Variants in MR1 observed in about 807,000 individuals in gnomAD.
The protein encoded by MR1 is major histocompatibility complex class I-related protein 1.
Under a neutral mutation model 37.8 loss-of-function variants are expected in MR1, and 44 were observed. The observed-to-expected ratio is 1.16, with a 90% confidence interval of 0.91 to 1.50. The LOEUF is 1.50. MR1 is among the 40% of genes most tolerant of loss of function. The probability of loss-of-function intolerance (pLI) is 0.00; values close to 1 mark genes in which losing one functional copy is unlikely to be tolerated. For synonymous variants in MR1, 153 were observed against 155.8 expected (o/e 0.98, Z 0.13); for missense variants, 386 against 419.1 (o/e 0.92, Z 0.69).
In MR1 at chr1:181,034,075, G is replaced by C. The variant is rs780099733; in HGVS notation, c.67+1G>C. 2 of 1,612,316 alleles carry C rather than the reference G, an allele frequency of 1.2e-6. No individual in the cohort carries two copies. The highest frequency in any genetic ancestry group is 2.7e-5 in the African/African-American group (2 of 74,798). ...TTAATGGTGAAGCACAGCGATTCCC[G>C]TGAGTATCCCACGTCCTCTTCTCTC... On this transcript the variant is annotated splice_donor_variant, in intron 1 of 5. Coordinates refer to ENST00000367580, the MANE Select transcript of MR1 (RefSeq NM_001385161.1). LOFTEE classifies it high-confidence loss of function.
chr1:181,049,087 T>C lies in MR1; in HGVS notation c.103T>C (p.Ser35Pro). Residue 35 changes from serine (S) to proline (P), a missense_variant, in exon 2 of 6, where the codon TCG becomes CCG. Transcript: ENST00000367580. ...HSLRYFRLGV[S>P]DPIHGVPEFI... ...TCTGAGATATTTTCGCCTGGGCGTT[T>C]CGGATCCCATCCATGGGGTCCCTGA... 6.2e-7 allele frequency: 1 copy of C among 1,614,058 alleles called. No homozygotes were observed. The highest frequency in any genetic ancestry group is 8.5e-7 in the Non-Finnish European group (1 of 1,179,890).
chr1:181,051,997 T>C (rs1373236749), intron 3 of MR1, among the ~76,000 whole-genome samples: 1 of 152,206 alleles, frequency 6.6e-6, no homozygotes, highest in Non-Finnish European at 1.5e-5. Context: ...GCTGTATGAC[T>C]TTCCCCCCTT....
In MR1 at chr1:181,060,337, C is replaced by A. The variant is rs1658842876; in HGVS notation, c.*5072C>A. On this transcript the variant is annotated 3_prime_UTR_variant, in exon 6 of 6. Transcript: ENST00000367580. ...ACAACCCTATTTCCAAAGAAGGCCACATTCTGAGGTACTGGGGGTTATAAC... is the reference window on the plus strand; with the variant it reads ...ACAACCCTATTTCCAAAGAAGGCCAAATTCTGAGGTACTGGGGGTTATAAC... 1 of 152,206 alleles carries A rather than the reference C, an allele frequency of 6.6e-6. No individual in the cohort carries two copies. The highest frequency in any genetic ancestry group is 2.4e-5 in the African/African-American group (1 of 41,446). 9.4% of individuals were successfully genotyped at this position (152,206 alleles called of 1,614,324 possible).
chr1:181,050,129 C>T lies in MR1; in HGVS notation c.447C>T (p.Leu149=), dbSNP rs1007416637. 6.2e-7 allele frequency: 1 copy of T among 1,614,240 alleles called. No individual in the cohort carries two copies. The highest frequency in any genetic ancestry group is 8.5e-7 in the Non-Finnish European group (1 of 1,180,042). Residue 149 remains leucine, a synonymous_variant, in exon 3 of 6, where the codon CTC becomes CTT. Transcript: ENST00000367580. ...TCCTGATCTTCAATAAAGACACCCT[C>T]TCCTGGCTGGCTGTAGATAATGTGG... is the stretch of plus-strand genomic sequence containing the variant. ...QDFLIFNKDT[L]SWLAVDNVAH...
At chr1:181,054,589 A>C (rs2102405321) in intron 5 of MR1, among the ~76,000 whole-genome samples, 1 of 151,960 alleles carries the variant, frequency 6.6e-6, no homozygotes, top group Non-Finnish European at 1.5e-5. Flanking sequence ...GGTGGCTTAC[A>C]ACTTGTAATC....
At position 181,052,461 on chromosome 1, in the gene MR1, C is replaced by T; in HGVS notation, c.831C>T (p.Ser277=). 4 of 1,614,176 alleles carry T rather than the reference C, an allele frequency of 2.5e-6. No homozygotes were observed. Among genetic ancestry groups the T allele is most frequent in the Non-Finnish European group, 3.4e-6 (4 of 1,180,024 alleles). The part of the protein sequence containing the change: ...ELDPQSSNLY[S]CHVEHCGVHM... ...ATCCTCAGAGCAGCAACCTTTACTC[C>T]TGTCATGTGGAGCACTGCGGTGTCC... Residue 277 remains serine, a synonymous_variant, in exon 4 of 6, where the codon TCC becomes TCT. Transcript: ENST00000367580.
At chr1:181,042,570 G>A (rs1657618424) in intron 1 of MR1, among the ~76,000 whole-genome samples, 1 of 150,416 alleles carries the variant, frequency 6.6e-6, no homozygotes, top group African/African-American at 2.4e-5. Flanking sequence ...GGGAGACCAA[G>A]GCAGGCAGAT....
chr1:181,040,079 C>T (rs887619205), intron 1 of MR1, among the ~76,000 whole-genome samples: 37 of 152,114 alleles, frequency 2.4e-4, no homozygotes, highest in Non-Finnish European at 2.9e-5. Context: ...TTCGGGTTCT[C>T]CAGCACTATC....
At chr1:181,047,187 TC>T (rs1278940299) in intron 1 of MR1, among the ~76,000 whole-genome samples, 1 of 152,172 alleles carries the variant, frequency 6.6e-6, no homozygotes, top group Non-Finnish European at 1.5e-5. Flanking sequence ...CAGTTTTGTT[TC>T]ATTTTGGTTT....
At chr1:181,042,505 CA>C (rs143757115) in intron 1 of MR1, among the ~76,000 whole-genome samples, 40,262 of 140,320 alleles carry the variant, frequency 0.29, 6,364 homozygotes, top group African/African-American at 0.43. Context: ...CCGGCCAAAT[CA>C]AAAATATTTT....
chr1:181,045,887 A>G (rs2102380450), intron 1 of MR1, among the ~76,000 whole-genome samples: 1 of 152,296 alleles, frequency 6.6e-6, no homozygotes, highest in East Asian at 1.9e-4. Context: ...GGCCAGCTGG[A>G]GTTCCAAGTG....
At chr1:181,047,918 A>T (rs996602326) in intron 1 of MR1, among the ~76,000 whole-genome samples, 26 of 148,490 alleles carry the variant, frequency 1.8e-4, no homozygotes, top group African/African-American at 6.0e-4. Flanking sequence ...AAAAAATAAA[A>T]AATAAATAAA....
In MR1 at chr1:181,049,033, T is replaced by C. The variant is rs1217731583; in HGVS notation, c.68-19T>C. On this transcript the variant is annotated intron_variant, in intron 1 of 5. Transcript: ENST00000367580. ...TCATCTGGGACCCTACATGTCTTCCTTCTTTGCCTCCTTTCCAGGGACGCA... is the reference window on the plus strand; with the variant it reads ...TCATCTGGGACCCTACATGTCTTCCCTCTTTGCCTCCTTTCCAGGGACGCA... 1.9e-6 allele frequency: 3 copies of C among 1,609,508 alleles called. No homozygotes were observed. The highest frequency in any genetic ancestry group is 2.5e-6 in the Non-Finnish European group (3 of 1,177,370).
chr1:181,035,498 G>A (rs1038290154), intron 1 of MR1, among the ~76,000 whole-genome samples: 4 of 152,140 alleles, frequency 2.6e-5, no homozygotes, highest in Non-Finnish European at 4.4e-5. Context: ...GATTGGGGGT[G>A]AGGGTAAGAG....
intron 1 of MR1, among the ~76,000 whole-genome samples, chr1:181,037,939 T>C (rs1657359417): frequency 6.6e-6 from 1 of 152,216 alleles, no homozygotes; most frequent in African/African-American, 2.4e-5. Context: ...CCACCTGCTG[T>C]GGTCCCTCTA....
At chr1:181,036,609 T>G (rs938826953) in intron 1 of MR1, among the ~76,000 whole-genome samples, 2 of 152,204 alleles carry the variant, frequency 1.3e-5, no homozygotes, top group Non-Finnish European at 2.9e-5. Flanking sequence ...CAATATCACT[T>G]TCAGTGTGTT....
intron 2 of MR1, 62 bp from the exon 3 acceptor site, chr1:181,049,949 A>G: frequency 6.4e-7 from 1 of 1,560,348 alleles, no homozygotes; most frequent in Non-Finnish European, 8.7e-7. Context: ...CCCTGCTCCC[A>G]GCACTTGAGA....
Position 181,053,545 on chromosome 1 carries a change from G to A in MR1, c.881-28G>A, listed in dbSNP as rs554565768. 2.4e-5 allele frequency: 38 copies of A among 1,553,422 alleles called. 1 individual carries two copies. The highest frequency in any genetic ancestry group is 1.7e-4 in the Middle Eastern group (1 of 5,926). On this transcript the variant is annotated intron_variant, in intron 4 of 5. Coordinates refer to ENST00000367580, the MANE Select transcript of MR1 (RefSeq NM_001385161.1). Reference sequence around the variant, plus strand: ...AACACAGAAGGGAAAGGGGACTTGTGGATTTTTTCTCATTTGCTTGCTTTC... The same window carrying A: ...AACACAGAAGGGAAAGGGGACTTGTAGATTTTTTCTCATTTGCTTGCTTTC...
At chr1:181,045,523 C>T (rs1485219880) in intron 1 of MR1, among the ~76,000 whole-genome samples, 2 of 152,018 alleles carry the variant, frequency 1.3e-5, no homozygotes, top group Non-Finnish European at 2.9e-5. Flanking sequence ...CTCCCCCTGC[C>T]CGCCCTCCTG....
Sources: gnomAD v4.1 joint callset for allele counts (sites outside exome capture counted in the v4.1 genomes callset) on GRCh38, gnomAD v4.1.1 for gene constraint, MANE v1.5 for transcripts, NCBI Gene and HGNC (gene_info 2026-07-23, HGNC 2026-07-21) for gene names.